The following CABCOCO1 variants were observed in gnomAD, a reference collection of about 807,000 sequenced individuals.
CABCOCO1 encodes ciliary-associated calcium-binding coiled-coil protein 1.
A neutral mutation model predicts 35.7 loss-of-function variants in CABCOCO1; 28 were observed. The ratio of observed to expected loss-of-function variants is 0.78; its 90% CI spans 0.58 to 1.07. The LOEUF is 1.07. Ranked by LOEUF, CABCOCO1 falls within the 50% of genes least tolerant of loss-of-function variation. The pLI is 0.00. For missense variants in CABCOCO1, 326 were observed against 309.2 expected, an observed-to-expected ratio of 1.05 and a Z score of -0.41; for synonymous variants, 95 against 100.1, an observed-to-expected ratio of 0.95 and a Z score of 0.30.
chr10:61,663,499 A>C (rs933160901), intron 1 of CABCOCO1, among the ~76,000 whole-genome samples: 5 of 152,152 alleles, frequency 3.3e-5, no homozygotes, highest in African/African-American at 1.2e-4. Context: ...AGGTGTCATG[A>C]AATAATAACT....
chr10:61,724,542 C>T (rs929274563), intron 5 of CABCOCO1, among the ~76,000 whole-genome samples: 1 of 152,072 alleles, frequency 6.6e-6, no homozygotes, highest in Admixed American at 6.6e-5. Context: ...TGGGAAAACA[C>T]TCCCATATCT....
intron 5 of CABCOCO1, among the ~76,000 whole-genome samples, chr10:61,757,951 G>T (rs1486321825): frequency 6.6e-6 from 1 of 152,076 alleles, no homozygotes; most frequent in East Asian, 1.9e-4. Context: ...AACTTCCACA[G>T]GGGGTGAGGG....
chr10:61,760,187 T>C lies in CABCOCO1; in HGVS notation c.675+6T>C, dbSNP rs1480299563. On this transcript the variant is annotated splice_donor_region_variant and intron_variant, in intron 6 of 7. Transcript: ENST00000648843. ...TATTGGATACGGAAATGAAGGTATA[T>C]TTCTTTTTGTCTTTCCATTCACCCT... 4 of 1,610,438 alleles carry C rather than the reference T, an allele frequency of 2.5e-6. No individual in the cohort carries two copies. Among genetic ancestry groups the C allele is most frequent in the Non-Finnish European group, 3.4e-6 (4 of 1,177,260 alleles).
At chr10:61,749,970 CT>C (rs5785493) in intron 5 of CABCOCO1, among the ~76,000 whole-genome samples, 17 of 146,440 alleles carry the variant, frequency 1.2e-4, no homozygotes, top group East Asian at 4.0e-4. Flanking sequence ...ATGAGAGCTG[CT>C]TTTTTTTTTT....
At chr10:61,750,268 A>G (rs900386306) in intron 5 of CABCOCO1, among the ~76,000 whole-genome samples, 2 of 152,198 alleles carry the variant, frequency 1.3e-5, no homozygotes, top group African/African-American at 4.8e-5. Flanking sequence ...CAGTTTAATG[A>G]TAAGTCAGTT....
chr10:61,715,810 C>A (rs925725723), intron 5 of CABCOCO1, among the ~76,000 whole-genome samples: 4 of 152,122 alleles, frequency 2.6e-5, no homozygotes, highest in East Asian at 1.9e-4. Flanking sequence ...GTTGAAAATT[C>A]TTTTCTTTAA....
chr10:61,750,082 T>C (rs1193800015), intron 5 of CABCOCO1, among the ~76,000 whole-genome samples: 1 of 151,340 alleles, frequency 6.6e-6, no homozygotes, highest in Non-Finnish European at 1.5e-5. Flanking sequence ...GTATTGTGAG[T>C]GGGGGACCAG....
intron 2 of CABCOCO1, among the ~76,000 whole-genome samples, chr10:61,675,555 TA>T (rs1377438204): frequency 6.6e-6 from 1 of 151,932 alleles, no homozygotes; most frequent in Non-Finnish European, 1.5e-5. Flanking sequence ...AAAGTAAAAA[TA>T]AAAAGCAAAG....
chr10:61,671,098 G>A (rs565975616), intron 1 of CABCOCO1, among the ~76,000 whole-genome samples: 7 of 152,234 alleles, frequency 4.6e-5, no homozygotes, highest in Admixed American at 2.0e-4. Context: ...AGGCTGAGGC[G>A]GGCAGGTCAC....
At chr10:61,755,713 G>T (rs992431785) in intron 5 of CABCOCO1, among the ~76,000 whole-genome samples, 1 of 151,938 alleles carries the variant, frequency 6.6e-6, no homozygotes, top group African/African-American at 2.4e-5. Context: ...ATAGATTTTA[G>T]TGGCACAAAC....
intron 5 of CABCOCO1, among the ~76,000 whole-genome samples, chr10:61,752,557 A>T: frequency 6.6e-6 from 1 of 152,192 alleles, no homozygotes. Flanking sequence ...ATTAAGGCTG[A>T]GGTTGACTAA....
At chr10:61,698,973 T>TA (rs1840368101) in intron 5 of CABCOCO1, among the ~76,000 whole-genome samples, 1 of 152,154 alleles carries the variant, frequency 6.6e-6, no homozygotes, top group Admixed American at 6.6e-5. Context: ...GAGATGTACC[T>TA]ATCAAAATAA....
intron 5 of CABCOCO1, among the ~76,000 whole-genome samples, chr10:61,744,473 A>G (rs920300720): frequency 6.6e-6 from 1 of 152,142 alleles, no homozygotes; most frequent in African/African-American, 2.4e-5. Flanking sequence ...ACTTTGTTTA[A>G]GCAAATGAAC....
chr10:61,699,069 A>G (rs1170405847), intron 5 of CABCOCO1, among the ~76,000 whole-genome samples: 1 of 152,148 alleles, frequency 6.6e-6, no homozygotes, highest in African/African-American at 2.4e-5. Flanking sequence ...CTGGAAGAGA[A>G]GATCATACAG....
At chr10:61,760,328 A>C in intron 6 of CABCOCO1, 147 bp downstream of exon 6, 1 of 1,152,038 alleles carries the variant, frequency 8.7e-7, no homozygotes, top group Non-Finnish European at 1.2e-6. Flanking sequence ...GTTGATTCAA[A>C]GATGAGTCCG....
chr10:61,753,045 T>A (rs546006188), intron 5 of CABCOCO1, among the ~76,000 whole-genome samples: 4 of 152,292 alleles, frequency 2.6e-5, no homozygotes, highest in Admixed American at 2.0e-4. Flanking sequence ...TTCTAACCAT[T>A]ATAATTTATT....
intron 5 of CABCOCO1, among the ~76,000 whole-genome samples, chr10:61,752,579 G>T (rs1841812033): frequency 1.3e-5 from 2 of 152,270 alleles, no homozygotes; most frequent in South Asian, 4.1e-4. Flanking sequence ...GTAAATGACT[G>T]CATTTTCGTG....
At position 61,713,215 on chromosome 10, in the gene CABCOCO1, C is replaced by T. The variant is rs1840775403; in HGVS notation, c.552+22594C>T. The stretch of plus-strand genomic sequence containing the variant: ...GGTTTGTAGTTCTCCTTGAAGAGGT[C>T]CTTCACATCCCTTGTAAGTTGGATT... On this transcript the variant is annotated intron_variant, in intron 5 of 7. Coordinates refer to ENST00000648843, the MANE Select transcript of CABCOCO1 (RefSeq NM_001366906.2). Among the ~76,000 whole-genome samples the T allele has an allele frequency of 2.0e-5, 3 of 152,260 alleles. No homozygotes were observed. In the South Asian group the frequency reaches 6.2e-4, roughly 32 times the overall value.
intron 5 of CABCOCO1, among the ~76,000 whole-genome samples, chr10:61,755,978 T>C (rs960517243): frequency 2.0e-5 from 3 of 152,046 alleles, no homozygotes; most frequent in Non-Finnish European, 4.4e-5. Flanking sequence ...AAATTCTTAG[T>C]GTTTATTCCC....
Sources: gnomAD v4.1 joint callset for allele counts (sites outside exome capture counted in the v4.1 genomes callset) on GRCh38, gnomAD v4.1.1 for gene constraint, MANE v1.5 for transcripts, NCBI Gene and HGNC (gene_info 2026-07-23, HGNC 2026-07-21) for gene names.